The following PYROXD2 variants were observed in gnomAD, a reference collection of about 807,000 sequenced individuals.
PYROXD2 encodes pyridine nucleotide-disulphide oxidoreductase domain 2.
A neutral mutation model predicts 71.1 loss-of-function variants in PYROXD2; 69 were observed. The ratio of observed to expected loss-of-function variants is 0.97; its 90% confidence interval spans 0.80 to 1.19. The LOEUF (loss-of-function observed/expected upper bound fraction) is 1.19, where lower values mean the gene tolerates loss of function less well. Among genes scored for constraint, PYROXD2 ranks in the 50% most tolerant of loss-of-function variants. The pLI is 0.00. For missense variants in PYROXD2, 745 were observed against 748.9 expected (o/e 0.99, Z 0.06); for synonymous variants, 287 against 302.7 (o/e 0.95, Z 0.54).
chr10:98,390,620 T>C lies in PYROXD2; in HGVS notation c.1270A>G (p.Met424Val), dbSNP rs145405368. The change falls in exon 12 of 16, where the codon ATG becomes GTG. Residue 424 changes from methionine (M) to valine (V), a missense_variant. Coordinates refer to ENST00000370575, the MANE Select transcript of PYROXD2 (RefSeq NM_032709.3). ...TACCTGTGGGAAGGCAGGCCATCCATGGCATCTTCAAAGGCCTGATGAAGG... is the reference window on the plus strand; with the variant it reads ...TACCTGTGGGAAGGCAGGCCATCCACGGCATCTTCAAAGGCCTGATGAAGG... Reference protein sequence around the residue: ...LLLHQAFEDAMDGLPSHRPVI... With the variant: ...LLLHQAFEDAVDGLPSHRPVI... The C allele has an allele frequency of 1.2e-5, 20 of 1,602,234 alleles. No individual in the cohort carries two copies. The highest frequency in any genetic ancestry group is 1.6e-5 in the Non-Finnish European group (19 of 1,173,930).
intron 4 of PYROXD2, among the ~76,000 whole-genome samples, chr10:98,407,163 C>T (rs1843625016): frequency 1.3e-5 from 2 of 152,028 alleles, no homozygotes; most frequent in South Asian, 4.2e-4. Flanking sequence ...TCCAAAAAGC[C>T]CGGGAGCCAG....
chr10:98,383,812 G>T lies in PYROXD2; in HGVS notation c.1732C>A (p.Leu578Ile). The T allele has an allele frequency of 6.2e-7, 1 of 1,614,028 alleles. No individual in the cohort carries two copies. The highest frequency in any genetic ancestry group is 8.5e-7 in the Non-Finnish European group (1 of 1,179,948). Residue 578 changes from leucine to isoleucine, a missense_variant, in exon 16 of 16, where the codon CTC becomes ATC. Physicochemically the swap from Leu to Ile is conservative, Grantham distance 5. Coordinates refer to ENST00000370575, the MANE Select transcript of PYROXD2 (RefSeq NM_032709.3). ...RNAAHVAFRD[L>I]KSM is the part of the protein sequence containing the mutation. ...CTGGTTCAGGGTCACATGCTCTTGA[G>T]GTCCCTAAAGGCCACATGTGCTGCA... is the stretch of plus-strand genomic sequence containing the variant.
Position 98,395,433 on chromosome 10 carries a change from C to T in PYROXD2, c.645G>A (p.Gln215=). The T allele has an allele frequency of 1.2e-6, 2 of 1,614,230 alleles. No individual in the cohort carries two copies. Among genetic ancestry groups the T allele is most frequent in the South Asian group, 2.2e-5 (2 of 91,088 alleles). ...TGAGGACCTCATAATATCGGGGAAG[C>T]TGGGCTCCCAGGATGCGGCCTACAA... ...LLKAGRILGA[Q]LPRYYEVLTA... Residue 215 remains glutamine, a synonymous_variant, in exon 7 of 16, where the codon CAG becomes CAA. Coordinates refer to ENST00000370575, the MANE Select transcript of PYROXD2 (RefSeq NM_032709.3).
chr10:98,388,310 T>C (rs1291279651), intron 13 of PYROXD2, 44 bp downstream of exon 13: 2 of 1,608,504 alleles, frequency 1.2e-6, no homozygotes, highest in East Asian at 2.2e-5. Flanking sequence ...TTGGGTCGCA[T>C]GCCCGGCTGT....
chr10:98,383,602 CA>C lies in PYROXD2; in HGVS notation c.*195del. The C allele has an allele frequency of 1.6e-6, 1 of 631,036 alleles. No individual in the cohort carries two copies. Among genetic ancestry groups the C allele is most frequent in the Non-Finnish European group, 2.9e-6 (1 of 350,184 alleles). The allele number at this position is 631,036 out of a possible 1,614,324, so 39.1% of individuals were successfully genotyped here. On this transcript the variant is annotated 3_prime_UTR_variant, in exon 16 of 16. Coordinates refer to ENST00000370575, the MANE Select transcript of PYROXD2 (RefSeq NM_032709.3). ...AATATTAGTTTTAATAAAACAGAAC[CA>C]GTCCATGTATGGAGGCATGGGCATA...
chr10:98,411,693 G>A (rs1182368611), intron 1 of PYROXD2: 1 of 152,118 alleles, frequency 6.6e-6, no homozygotes, highest in African/African-American at 2.4e-5. Flanking sequence ...CTCCAGCTCT[G>A]ATAAGCTCAG....
chr10:98,407,945 T>C lies in PYROXD2; in HGVS notation c.200A>G (p.His67Arg). 3 of 1,611,336 alleles carry C rather than the reference T, an allele frequency of 1.9e-6. No homozygotes were observed. Among genetic ancestry groups the C allele is most frequent in the Non-Finnish European group, 2.5e-6 (3 of 1,179,082 alleles). ...AGTGACAGCTGCACCCCCGATCACA[T>C]GGCGCCTCTCGAAGACGGCGGTGTT... is the stretch of plus-strand genomic sequence containing the variant. Reference protein sequence around the residue: ...GVNTAVFERRHVIGGAAVTEE... With the variant: ...GVNTAVFERRRVIGGAAVTEE... The change falls in exon 3 of 16, where the codon CAT (histidine) becomes CGT (arginine). Residue 67 changes from histidine to arginine, a missense_variant. Physicochemically the swap from His to Arg is conservative, Grantham distance 29. Coordinates refer to ENST00000370575, the MANE Select transcript of PYROXD2 (RefSeq NM_032709.3).
intron 13 of PYROXD2, chr10:98,387,918 G>A: frequency 5.2e-6 from 1 of 192,824 alleles, no homozygotes; most frequent in Non-Finnish European, 1.1e-5. Flanking sequence ...ACAGGCATGA[G>A]CCCCCACGCC....
At chr10:98,389,826 A>C (rs1421291915) in intron 12 of PYROXD2, among the ~76,000 whole-genome samples, 2 of 152,156 alleles carry the variant, frequency 1.3e-5, no homozygotes, top group African/African-American at 4.8e-5. Flanking sequence ...ACGACCTGAG[A>C]CTTTCTTGGC....
Position 98,387,452 on chromosome 10 carries a change from G to C in PYROXD2, c.1448-145C>G, listed in dbSNP as rs549769649. On this transcript the variant is annotated intron_variant, in intron 13 of 15. Coordinates refer to ENST00000370575, the MANE Select transcript of PYROXD2 (RefSeq NM_032709.3). ...ATCATATGCAAATTATACCTCAATA[G>C]GTGAAAAACAAAAATCAGTCCACAA... is the stretch of plus-strand genomic sequence containing the variant. 8.2e-6 allele frequency: 5 copies of C among 606,340 alleles called. No homozygotes were observed. The South Asian group carries it at 8.3e-5, about 10-fold the overall frequency. 37.6% of individuals were successfully genotyped at this position (606,340 alleles called of 1,614,324 possible). A position where few individuals can be genotyped will look rare whatever the true frequency, so the allele number is the denominator to read the frequency against.
intron 1 of PYROXD2, chr10:98,414,607 G>A (rs868333543): frequency 6.2e-6 from 1 of 160,548 alleles, no homozygotes; most frequent in Non-Finnish European, 1.4e-5. Context: ...CACTGAGGGG[G>A]CGGGGTGCTG....
At position 98,397,337 on chromosome 10, in the gene PYROXD2, G is replaced by C. The variant is rs1375463555; in HGVS notation, c.625+8C>G. On this transcript the variant is annotated splice_region_variant and intron_variant, in intron 6 of 15. Coordinates refer to ENST00000370575, the MANE Select transcript of PYROXD2 (RefSeq NM_032709.3). ...TCATCATGCCCTGGTGCCTGCACTT[G>C]GACTTACCTGCCTTCAGCAGGGGCT... The C allele has an allele frequency of 5.0e-6, 8 of 1,586,010 alleles. No individual in the cohort carries two copies. In the African/African-American group the frequency reaches 9.4e-5, roughly 19 times the overall value.
chr10:98,400,174 C>A lies in PYROXD2; in HGVS notation c.399G>T (p.Arg133Ser). The change falls in exon 5 of 16, where the codon AGG (arginine) becomes AGT (serine). Residue 133 changes from arginine to serine, a missense_variant. By Grantham distance (110) the Arg-to-Ser change is moderately radical (BLOSUM62 -1). Coordinates refer to ENST00000370575, the MANE Select transcript of PYROXD2 (RefSeq NM_032709.3). ...LEEGAGSKVP[R>S]CLLLGTDMAE... ...CCATGTCTGTGCCCAGCAGAAGGCA[C>A]CTGGGCACCTTGCTGCCTGCACCCT... 6.2e-7 allele frequency: 1 copy of A among 1,613,670 alleles called. No homozygotes were observed. The highest frequency in any genetic ancestry group is 8.5e-7 in the Non-Finnish European group (1 of 1,179,792).
At chr10:98,386,830 C>T (rs1038176600) in intron 14 of PYROXD2, among the ~76,000 whole-genome samples, 5 of 152,292 alleles carry the variant, frequency 3.3e-5, no homozygotes, top group South Asian at 4.1e-4. Flanking sequence ...TATCTGGTCT[C>T]CCTGTCTCCA....
chr10:98,403,317 G>A (rs1026047937), intron 4 of PYROXD2, among the ~76,000 whole-genome samples: 3 of 152,168 alleles, frequency 2.0e-5, no homozygotes, highest in Admixed American at 6.5e-5. Context: ...GAATCTGTGC[G>A]CGTCTCTCCA....
Position 98,388,500 on chromosome 10 carries a change from A to C in PYROXD2, c.1301T>G (p.Ile434Ser). The C allele has an allele frequency of 6.2e-7, 1 of 1,604,976 alleles. No homozygotes were observed. Among genetic ancestry groups the C allele is most frequent in the Non-Finnish European group, 8.5e-7 (1 of 1,176,146 alleles). The change falls in exon 13 of 16, where the codon ATT becomes AGT. Residue 434 changes from isoleucine to serine, a missense_variant. Physicochemically the swap from Ile to Ser is moderately radical, Grantham distance 142. Transcript: ENST00000370575. The part of the protein sequence containing the change: ...MDGLPSHRPV[I>S]ELCIPSSLDP... ...CAGCGAGGAAGGGATGCAGAGCTCA[A>C]TCACAGGCCTGTGCGGGCAGGGAGG...
rs147407922 is a variant in PYROXD2, at chr10:98,392,626, T to G, written c.928-60A>C. On this transcript the variant is annotated intron_variant, in intron 9 of 15. Coordinates refer to ENST00000370575, the MANE Select transcript of PYROXD2 (RefSeq NM_032709.3). ...AGGAAGGGAAATCCATGTTAGATCT[T>G]CCGGGATTTCCATGGTCTGTGCTGC... is the stretch of plus-strand genomic sequence containing the variant. 290 of 1,592,690 alleles carry G rather than the reference T, an allele frequency of 1.8e-4. No homozygotes were observed. The African/African-American group carries it at 3.5e-3, about 19-fold the overall frequency.
Position 98,401,273 on chromosome 10 carries a change from A to C in PYROXD2, c.316-1016T>G, listed in dbSNP as rs113766131. ...TGTCTCAAAAAAAAAAAAACAAAAA[A>C]AAACAAACATAGAAAAGGTACATTA... On this transcript the variant is annotated intron_variant, in intron 4 of 15. Coordinates refer to ENST00000370575, the MANE Select transcript of PYROXD2 (RefSeq NM_032709.3). Among the ~76,000 whole-genome samples the C allele has an allele frequency of 2.6e-4, 32 of 121,648 alleles. 1 individual carries two copies. The highest frequency in any genetic ancestry group is 8.0e-4 in the African/African-American group (22 of 27,390). 79.8% of individuals were successfully genotyped at this position (121,648 alleles called of 152,430 possible). A position where few individuals can be genotyped will look rare whatever the true frequency, so the allele number is the denominator to read the frequency against.
At chr10:98,396,232 G>A (rs1203462674) in intron 6 of PYROXD2, among the ~76,000 whole-genome samples, 5 of 152,206 alleles carry the variant, frequency 3.3e-5, no homozygotes, top group African/African-American at 1.2e-4. Flanking sequence ...TTGCCGATGT[G>A]ACACAAACCC....
Sources: allele counts gnomAD v4.1 joint callset (sites outside exome capture counted in the v4.1 genomes callset), GRCh38; gene constraint gnomAD v4.1.1; transcripts MANE v1.5; gene names NCBI Gene and HGNC (gene_info 2026-07-23, HGNC 2026-07-21).